The following MAML3 variants were observed in gnomAD, a reference collection of about 807,000 sequenced individuals.
The protein encoded by MAML3 is mastermind-like protein 3.
MAML3 carries 27 observed loss-of-function variants against 101.9 expected under a neutral mutation model. That is an observed-to-expected ratio of 0.27 (90% CI 0.20 to 0.37). MAML3 has a LOEUF of 0.37. Ranked by LOEUF, MAML3 falls within the 10% of genes least tolerant of loss-of-function variation. The pLI, the probability that MAML3 is intolerant of heterozygous loss-of-function variation, is 1.00. For synonymous variants in MAML3, 501 were observed against 555.9 expected, an observed-to-expected ratio of 0.90 and a Z score of 1.39; for missense variants, 1,316 against 1,444.9, an observed-to-expected ratio of 0.91 and a Z score of 1.45.
intron 1 of MAML3, among the ~76,000 whole-genome samples, chr4:139,950,065 C>T (rs1733807317): frequency 6.6e-6 from 1 of 152,010 alleles, no homozygotes; most frequent in South Asian, 2.1e-4. Context: ...TTTTTGGAGA[C>T]AGTCTTGATC....
intron 1 of MAML3, among the ~76,000 whole-genome samples, chr4:140,075,118 T>C (rs752515596): frequency 6.6e-6 from 1 of 152,210 alleles, no homozygotes; most frequent in Non-Finnish European, 1.5e-5. Flanking sequence ...AGATCTATCA[T>C]CTCATTTAAT....
chr4:139,773,244 T>C (rs917048118), intron 2 of MAML3, among the ~76,000 whole-genome samples: 14 of 151,760 alleles, frequency 9.2e-5, no homozygotes, highest in Admixed American at 9.2e-4. Flanking sequence ...GGCAGAAGAG[T>C]TCATCATCTT....
chr4:139,822,225 TCACCACCACCACCACCACCAC>T lies in MAML3; in HGVS notation c.2079+67111_2079+67131del, dbSNP rs34942904. Reference sequence around the variant, plus strand: ...AGGATCATCATTATCATTATCACCATCACCACCACCACCACCACCACCACCACCACCACCACCACCACCACC... The same window carrying T: ...AGGATCATCATTATCATTATCACCATCACCACCACCACCACCACCACCACC... On this transcript the variant is annotated intron_variant, in intron 2 of 4. Transcript: ENST00000509479. 7.3e-4 allele frequency among the ~76,000 whole-genome samples: 93 copies of T among 126,600 alleles called. 1 individual carries two copies. Among genetic ancestry groups the T allele is most frequent in the African/African-American group, 1.2e-3 (40 of 34,010 alleles). 83.1% of individuals were successfully genotyped at this position (126,600 alleles called of 152,430 possible).
chr4:140,032,086 A>G (rs1021077618), intron 1 of MAML3, among the ~76,000 whole-genome samples: 1 of 152,182 alleles, frequency 6.6e-6, no homozygotes, highest in African/African-American at 2.4e-5. Flanking sequence ...TTAGCCTTAA[A>G]TTTACCTGTC....
chr4:140,033,494 G>T (rs1483339041), intron 1 of MAML3, among the ~76,000 whole-genome samples: 1 of 152,128 alleles, frequency 6.6e-6, no homozygotes, highest in Non-Finnish European at 1.5e-5. Flanking sequence ...AGAAGGAAAG[G>T]CTGGGCAGGC....
At chr4:139,875,497 CCTTT>C (rs1732096976) in intron 2 of MAML3, among the ~76,000 whole-genome samples, 1 of 152,130 alleles carries the variant, frequency 6.6e-6, no homozygotes, top group South Asian at 2.1e-4. Flanking sequence ...CAGCTGCACA[CCTTT>C]CTTTCTCAAC....
intron 2 of MAML3, among the ~76,000 whole-genome samples, chr4:139,763,536 G>GA (rs145551414): frequency 2.2e-3 from 328 of 152,034 alleles, no homozygotes; most frequent in African/African-American, 7.6e-3. Flanking sequence ...GGTTCAGGGG[G>GA]AGCCGAAATG....
rs959201618 is a variant in MAML3 at position 140,081,248 on chromosome 4, A to T, written c.468+71612T>A. ...ATGTCTTTGTCAGGAGATTAAACAC[A>T]TTAAAAAAAAAACAAATATACATAC... On this transcript the variant is annotated intron_variant, in intron 1 of 4. Transcript: ENST00000509479. Among the ~76,000 whole-genome samples, 4 of 151,940 alleles carry T rather than the reference A, an allele frequency of 2.6e-5. No homozygotes were observed. In the Middle Eastern group the frequency reaches 9.5e-3, roughly 361 times the overall value.
At chr4:139,795,608 G>A (rs1341842454) in intron 2 of MAML3, among the ~76,000 whole-genome samples, 2 of 152,148 alleles carry the variant, frequency 1.3e-5, no homozygotes, top group African/African-American at 4.8e-5. Context: ...GGTAAGTAAC[G>A]GACTCCATTC....
intron 1 of MAML3, among the ~76,000 whole-genome samples, chr4:139,936,723 G>A (rs1396802477): frequency 2.0e-5 from 3 of 151,934 alleles, no homozygotes; most frequent in African/African-American, 7.3e-5. Context: ...AACAACAAAA[G>A]TTGAAAAAAA....
In MAML3 at chr4:139,844,564, C is replaced by T. The variant is rs545195811; in HGVS notation, c.2079+44793G>A. ...CTACAGGCTTCAGAATCACTGCCAA[C>T]ATCCTGAAAATCAGTTGTGACAATA... On this transcript the variant is annotated intron_variant, in intron 2 of 4. Transcript: ENST00000509479. 3.3e-5 allele frequency among the ~76,000 whole-genome samples: 5 copies of T among 152,348 alleles called. No homozygotes were observed. In the South Asian group the frequency reaches 1.0e-3, roughly 32 times the overall value.
intron 2 of MAML3, among the ~76,000 whole-genome samples, chr4:139,822,222 C>CCAT (rs1175477100): frequency 1.4e-5 from 2 of 141,694 alleles, no homozygotes; most frequent in East Asian, 4.4e-4. Context: ...ATCATTATCA[C>CCAT]CATCACCACC....
At chr4:139,840,901 G>A (rs1395565427) in intron 2 of MAML3, among the ~76,000 whole-genome samples, 1 of 152,222 alleles carries the variant, frequency 6.6e-6, no homozygotes, top group Non-Finnish European at 1.5e-5. Context: ...AGAGTCACAT[G>A]TGGCAAAAGT....
intron 2 of MAML3, among the ~76,000 whole-genome samples, chr4:139,780,089 A>G (rs919956307): frequency 2.0e-5 from 3 of 152,152 alleles, no homozygotes; most frequent in African/African-American, 7.2e-5. Context: ...GGTACCCACT[A>G]TTTACATTTA....
chr4:139,889,161 T>C (rs907048397), intron 2 of MAML3, 196 bp downstream of exon 2: 11 of 1,043,166 alleles, frequency 1.1e-5, no homozygotes, highest in Non-Finnish European at 1.6e-5. Context: ...CGAAAGTTTA[T>C]CATGCCACCC....
chr4:139,721,606 C>A (rs1476509156), intron 4 of MAML3, among the ~76,000 whole-genome samples: 3 of 152,038 alleles, frequency 2.0e-5, no homozygotes, highest in Admixed American at 6.6e-5. Flanking sequence ...AAATATGTCT[C>A]CATAGTTTCT....
intron 1 of MAML3, among the ~76,000 whole-genome samples, chr4:140,041,546 G>T (rs1692624166): frequency 6.6e-6 from 1 of 152,106 alleles, no homozygotes; most frequent in African/African-American, 2.4e-5. Context: ...GGTTGAAGCT[G>T]GGAGGCAGAG....
intron 1 of MAML3, among the ~76,000 whole-genome samples, chr4:140,007,642 T>C (rs1005307933): frequency 1.3e-5 from 2 of 152,238 alleles, no homozygotes; most frequent in African/African-American, 4.8e-5. Context: ...GATCAGGTTA[T>C]ATTCCAAAGC....
At chr4:139,819,103 G>A (rs560369116) in intron 2 of MAML3, among the ~76,000 whole-genome samples, 1 of 152,288 alleles carries the variant, frequency 6.6e-6, no homozygotes, top group South Asian at 2.1e-4. Context: ...ATGAAATGAA[G>A]GCAGGTATAA....
Sources: gnomAD v4.1 joint callset for allele counts (sites outside exome capture counted in the v4.1 genomes callset) on GRCh38, gnomAD v4.1.1 for gene constraint, MANE v1.5 for transcripts, NCBI Gene and HGNC (gene_info 2026-07-23, HGNC 2026-07-21) for gene names.